Variants in PPP1R12C observed in about 807,000 individuals in gnomAD.
PPP1R12C encodes leukocyte receptor cluster (LRC) encoded novel gene 3.
A neutral mutation model predicts 95.6 loss-of-function variants in PPP1R12C; 48 were observed. The ratio of observed to expected loss-of-function variants is 0.50; its 90% CI spans 0.40 to 0.64. The LOEUF (loss-of-function observed/expected upper bound fraction) is 0.64. Ranked by LOEUF, PPP1R12C falls within the 30% of genes least tolerant of loss-of-function variation. The probability of loss-of-function intolerance (pLI) is 0.00; values close to 1 mark genes in which losing one functional copy is unlikely to be tolerated. For missense variants in PPP1R12C, 1,057 were observed against 1,083.3 expected, an observed-to-expected ratio of 0.98 and a Z score of 0.34; for synonymous variants, 480 against 460.8, an observed-to-expected ratio of 1.04 and a Z score of -0.53.
chr19:55,097,019 G>A (rs111365066), intron 6 of PPP1R12C: 1 of 163,370 alleles, frequency 6.1e-6, no homozygotes, highest in South Asian at 4.9e-5. Flanking sequence ...GTTCACCACC[G>A]TCTTCGCCCC....
In PPP1R12C at chr19:55,117,392, C is replaced by T; in HGVS notation, c.152G>A (p.Arg51His). Residue 51 changes from arginine (R) to histidine (H), a missense_variant, in exon 1 of 22, where the codon CGC becomes CAC. By Grantham distance (29) the Arg-to-His change is conservative. Coordinates refer to ENST00000263433, the MANE Select transcript of PPP1R12C (RefSeq NM_017607.4). ...ERRARTVRFE[R>H]AAEFLAACAG... ...ACAGGCCGCCAGGAACTCGGCGGCG[C>T]GCTCGAAGCGGACGGTGCGGGCGCG... The T allele has an allele frequency of 5.6e-6, 6 of 1,063,882 alleles. No individual in the cohort carries two copies. Among genetic ancestry groups the T allele is most frequent in the Non-Finnish European group, 6.8e-6 (6 of 882,794 alleles). 65.9% of individuals were successfully genotyped at this position (1,063,882 alleles called of 1,614,324 possible).
chr19:55,094,899 A>G lies in PPP1R12C; in HGVS notation c.1455-101T>C, dbSNP rs1028221760. 19 of 1,333,382 alleles carry G rather than the reference A, an allele frequency of 1.4e-5. No individual in the cohort carries two copies. In the African/African-American group the frequency reaches 1.7e-4, roughly 12 times the overall value. The allele number at this position is 1,333,382 out of a possible 1,614,324, so 82.6% of individuals were successfully genotyped here. A position where few individuals can be genotyped will look rare whatever the true frequency, so the allele number is the denominator to read the frequency against. ...AAAGAAACAAATTATCTGGGCCACA[A>G]CAGAGTCAGAGCTGAGCAGAAATAC... On this transcript the variant is annotated intron_variant, in intron 11 of 21. Coordinates refer to ENST00000263433, the MANE Select transcript of PPP1R12C (RefSeq NM_017607.4).
At chr19:55,095,252 G>A in intron 11 of PPP1R12C, 39 bp downstream of exon 11, 1 of 1,538,312 alleles carries the variant, frequency 6.5e-7, no homozygotes, top group East Asian at 2.4e-5. Flanking sequence ...ACCCACATCT[G>A]CCACCCACCC....
chr19:55,107,668 G>A (rs2085052973), intron 3 of PPP1R12C, among the ~76,000 whole-genome samples: 1 of 144,044 alleles, frequency 6.9e-6, no homozygotes, highest in Non-Finnish European at 1.5e-5. Context: ...CTTGGACACA[G>A]GAAGGGGAAC....
At chr19:55,101,882 G>A (rs1023723272) in intron 4 of PPP1R12C, among the ~76,000 whole-genome samples, 4 of 152,072 alleles carry the variant, frequency 2.6e-5, no homozygotes, top group East Asian at 1.9e-4. Context: ...AAGGGACAGC[G>A]GCCTGGAGCT....
intron 11 of PPP1R12C, 180 bp from the exon 12 acceptor site, chr19:55,094,978 G>A (rs1450894972): frequency 6.5e-6 from 5 of 773,864 alleles, no homozygotes; most frequent in African/African-American, 3.5e-5. Context: ...CCGGTCAGAA[G>A]GATAAAGGAC....
intron 1 of PPP1R12C, 75 bp downstream of exon 1, chr19:55,117,148 G>T: frequency 8.7e-7 from 1 of 1,146,230 alleles, no homozygotes; most frequent in Non-Finnish European, 1.1e-6. Context: ...ACTGGCAACG[G>T]GGAAGGAGGA....
At position 55,099,116 on chromosome 19, in the gene PPP1R12C, G is replaced by A. The variant is rs1193957843; in HGVS notation, c.732-21C>T. The A allele has an allele frequency of 4.0e-6, 6 of 1,507,008 alleles. No individual in the cohort carries two copies. In the African/African-American group the frequency reaches 4.2e-5, roughly 11 times the overall value. The allele number at this position is 1,507,008 out of a possible 1,614,324, so 93.4% of individuals were successfully genotyped here. ...GCAACCTGGGGGCCAGGGAGGCTCA[G>A]GGTCAGAGGCCAAGGCGGGGCCCTT... On this transcript the variant is annotated intron_variant, in intron 4 of 21. Transcript: ENST00000263433.
intron 4 of PPP1R12C, among the ~76,000 whole-genome samples, chr19:55,100,028 G>A (rs1048484636): frequency 2.6e-5 from 4 of 152,254 alleles, no homozygotes; most frequent in Non-Finnish European, 4.4e-5. Context: ...CGCTTTGCCC[G>A]GAGCTCACCC....
rs1463965893 is a variant in PPP1R12C at position 55,095,299 on chromosome 19, G to T, written c.1446C>A (p.Pro482=). Residue 482 remains proline (P), a synonymous_variant, in exon 11 of 22, where the codon CCC becomes CCA. Transcript: ENST00000263433. The stretch of plus-strand genomic sequence containing the variant: ...AGGCCCTGGGGACTCACAGGACAGA[G>T]GGCTCCGGCAGCTTCGGGGAGGGGG... ...TPTPSPKLPE[P]SVLSEVTKPP... is the part of the protein sequence containing the mutation. 1.9e-6 allele frequency: 3 copies of T among 1,577,352 alleles called. No individual in the cohort carries two copies. Among genetic ancestry groups the T allele is most frequent in the Non-Finnish European group, 1.7e-6 (2 of 1,161,902 alleles).
chr19:55,095,240 G>T (rs1321165207), intron 11 of PPP1R12C, 51 bp downstream of exon 11: 1 of 1,513,198 alleles, frequency 6.6e-7, no homozygotes, highest in East Asian at 2.5e-5. Context: ...GACAGGCTTG[G>T]AACCCACATC....
chr19:55,095,195 C>T (rs2147182313), intron 11 of PPP1R12C, 96 bp downstream of exon 11: 3 of 1,363,630 alleles, frequency 2.2e-6, no homozygotes, highest in Non-Finnish European at 1.0e-6. Flanking sequence ...GGAACCAGAC[C>T]CCAGGGGGTA....
intron 6 of PPP1R12C, among the ~76,000 whole-genome samples, chr19:55,098,379 C>CT (rs1052798930): frequency 6.6e-6 from 1 of 152,250 alleles, no homozygotes; most frequent in Non-Finnish European, 1.5e-5. Context: ...CTCCTTCACT[C>CT]TAAGTTTTCC....
intron 1 of PPP1R12C, chr19:55,113,656 C>CA: frequency 8.3e-7 from 1 of 1,206,114 alleles, no homozygotes; most frequent in Non-Finnish European, 1.0e-6. Flanking sequence ...AAATTACCCC[C>CA]CAAGTCCCTC....
intron 1 of PPP1R12C, chr19:55,113,415 T>C: frequency 1.3e-6 from 2 of 1,495,360 alleles, no homozygotes; most frequent in Non-Finnish European, 1.8e-6. Context: ...CCCCAGGCTG[T>C]CACACTCCAG....
chr19:55,094,526 G>C, intron 12 of PPP1R12C, 91 bp from the exon 13 acceptor site: 1 of 1,587,160 alleles, frequency 6.3e-7, no homozygotes, highest in Non-Finnish European at 8.6e-7. Flanking sequence ...AGTTCTGTGG[G>C]AGGGGACTCC....
intron 6 of PPP1R12C, among the ~76,000 whole-genome samples, chr19:55,097,648 CCG>C (rs1417885124): frequency 8.3e-6 from 1 of 120,202 alleles, no homozygotes; most frequent in Non-Finnish European, 1.8e-5. Flanking sequence ...CACCCCTTCC[CCG>C]CAGTTCACCA....
chr19:55,095,282 G>T lies in PPP1R12C; in HGVS notation c.1454+9C>A. 1.3e-6 allele frequency: 2 copies of T among 1,566,810 alleles called. No individual in the cohort carries two copies. Among genetic ancestry groups the T allele is most frequent in the Non-Finnish European group, 8.7e-7 (1 of 1,155,962 alleles). On this transcript the variant is annotated intron_variant, in intron 11 of 21. Coordinates refer to ENST00000263433, the MANE Select transcript of PPP1R12C (RefSeq NM_017607.4). Reference sequence around the variant, plus strand: ...CCACCCCTGAGGGGCCCAGGCCCTGGGGACTCACAGGACAGAGGGCTCCGG... The same window carrying T: ...CCACCCCTGAGGGGCCCAGGCCCTGTGGACTCACAGGACAGAGGGCTCCGG...
chr19:55,102,368 C>A (rs964532194), intron 4 of PPP1R12C, among the ~76,000 whole-genome samples: 4 of 152,140 alleles, frequency 2.6e-5, no homozygotes, highest in African/African-American at 7.2e-5. Context: ...ACGAGTTAGC[C>A]AAGTGTGGTG....
Sources: allele counts gnomAD v4.1 joint callset (sites outside exome capture counted in the v4.1 genomes callset), GRCh38; gene constraint gnomAD v4.1.1; transcripts MANE v1.5; gene names NCBI Gene and HGNC (gene_info 2026-07-23, HGNC 2026-07-21).